The following MSTO1 variants were observed in gnomAD, a reference collection of about 807,000 sequenced individuals.
MSTO1 encodes the protein misato mitochondrial distribution and morphology regulator 1.
MSTO1 carries 24 observed loss-of-function variants against 55.7 expected under a neutral mutation model. The ratio of observed to expected loss-of-function variants is 0.43; its 90% CI spans 0.31 to 0.61. The LOEUF (loss-of-function observed/expected upper bound fraction) is 0.61, where lower values mean the gene tolerates loss of function less well. MSTO1 is among the 20% of genes least tolerant of loss of function. MSTO1 has a pLI of 0.09. For synonymous variants in MSTO1, 162 were observed against 252.8 expected (o/e 0.64, Z 3.41); for missense variants, 363 against 625.7 (o/e 0.58, Z 4.48).
the MSTO1 span, among the ~76,000 whole-genome samples, chr1:155,576,473 C>T: frequency 2.0e-5 from 3 of 151,536 alleles, no homozygotes; most frequent in African/African-American, 4.8e-5. Context: ...ACTACAGGTG[C>T]GCACCACCAC....
chr1:155,612,128 G>C, intron 7 of MSTO1, 28 bp downstream of exon 7: 1 of 1,613,166 alleles, frequency 6.2e-7, no homozygotes. Context: ...TGCACTCCAG[G>C]GTGGAAGCTC....
the MSTO1 span, among the ~76,000 whole-genome samples, chr1:155,575,005 T>TA: frequency 6.6e-6 from 1 of 151,984 alleles, no homozygotes; most frequent in South Asian, 2.1e-4. Context: ...TAGCTGGGAT[T>TA]ACAGGCATGC....
At chr1:155,596,665 T>C in the MSTO1 span, among the ~76,000 whole-genome samples, 1 of 152,060 alleles carries the variant, frequency 6.6e-6, no homozygotes, top group Non-Finnish European at 1.5e-5. Context: ...TATGTGCCTG[T>C]AGTCCAAGCT....
At chr1:155,568,665 C>G in the MSTO1 span, among the ~76,000 whole-genome samples, 4 of 151,910 alleles carry the variant, frequency 2.6e-5, no homozygotes, top group Non-Finnish European at 5.9e-5. Context: ...GTCTCAAACT[C>G]CTGACCTTGT....
At chr1:155,578,790 G>A in the MSTO1 span, among the ~76,000 whole-genome samples, 1 of 149,068 alleles carries the variant, frequency 6.7e-6, no homozygotes, top group Non-Finnish European at 1.5e-5. Flanking sequence ...GATTACAGGC[G>A]TGAGCCACCG....
the MSTO1 span, among the ~76,000 whole-genome samples, chr1:155,593,761 G>C: frequency 6.6e-6 from 1 of 152,108 alleles, no homozygotes; most frequent in Non-Finnish European, 1.5e-5. Context: ...GAGGTCAGGA[G>C]ATCGAGACCA....
chr1:155,569,277 A>G, the MSTO1 span, among the ~76,000 whole-genome samples: 4 of 150,736 alleles, frequency 2.7e-5, no homozygotes, highest in Admixed American at 2.0e-4. Context: ...CTGGGACTAC[A>G]GGCGCCCGCC....
At chr1:155,609,243 A>ATATATATATATATATATATATATATTTTT (rs59756178), upstream of MSTO1, among the ~76,000 whole-genome samples, 2 of 54,586 alleles carry the variant, frequency 3.7e-5, no homozygotes, top group Admixed American at 3.9e-4. Context: ...ATATATATAT[A>ATATATATATATATATATATATATATTTTT]TTTTTTTTTT....
At chr1:155,609,789 G>T (rs114198054), upstream of MSTO1, 405 of 181,950 alleles carry the variant, frequency 2.2e-3, 2 homozygotes, top group African/African-American at 9.2e-3. Context: ...CGTGGTCCAC[G>T]TGACTTCTGA....
the MSTO1 span, among the ~76,000 whole-genome samples, chr1:155,579,301 G>A: frequency 1.3e-5 from 2 of 151,302 alleles, no homozygotes; most frequent in African/African-American, 4.9e-5. Flanking sequence ...CAACAAGAGT[G>A]AAACTCCATC....
chr1:155,586,188 TTCTC>T, the MSTO1 span, among the ~76,000 whole-genome samples: 234 of 150,978 alleles, frequency 1.5e-3, no homozygotes, highest in African/African-American at 5.3e-3. Context: ...GTTTTTTTCT[TTCTC>T]TCTCTCTCTG....
rs374800604 is a variant in MSTO1, at chr1:155,613,808, G to T, written c.1498+42G>T. The T allele has an allele frequency of 4.9e-4, 788 of 1,613,752 alleles. 1 individual carries two copies. Among genetic ancestry groups the T allele is most frequent in the Non-Finnish European group, 4.6e-4 (538 of 1,179,802 alleles). On this transcript the variant is annotated intron_variant, in intron 13 of 13. Transcript: ENST00000245564. ...GAAAACTGAGATTTCAAGTATGGGAGAGTTTTTACTATCTCCATTCCTGGA... is the reference window on the plus strand; with the variant it reads ...GAAAACTGAGATTTCAAGTATGGGATAGTTTTTACTATCTCCATTCCTGGA...
At chr1:155,567,632 C>T in the MSTO1 span, among the ~76,000 whole-genome samples, 3 of 151,992 alleles carry the variant, frequency 2.0e-5, no homozygotes, top group South Asian at 2.1e-4. Flanking sequence ...GACAGCGTTT[C>T]GCCATGTTGG....
At chr1:155,608,816 T>G (rs1335234380), upstream of MSTO1, among the ~76,000 whole-genome samples, 1 of 150,010 alleles carries the variant, frequency 6.7e-6, no homozygotes, top group Non-Finnish European at 1.5e-5. Context: ...TTATTTTTAT[T>G]TTTATTTTTT....
the MSTO1 span, among the ~76,000 whole-genome samples, chr1:155,589,115 T>C: frequency 6.6e-6 from 1 of 151,958 alleles, no homozygotes; most frequent in Non-Finnish European, 1.5e-5. Context: ...CTGGCCAACA[T>C]AGTGAAACCC....
the MSTO1 span, among the ~76,000 whole-genome samples, chr1:155,575,202 T>A: frequency 2.0e-5 from 3 of 151,660 alleles, no homozygotes; most frequent in Admixed American, 2.0e-4. Context: ...AATAAATGAG[T>A]TCTTTGACCC....
At chr1:155,601,907 A>C in the MSTO1 span, among the ~76,000 whole-genome samples, 1 of 152,068 alleles carries the variant, frequency 6.6e-6, no homozygotes, top group African/African-American at 2.4e-5. Context: ...GGCGCCTGCC[A>C]CTATGCCCAG....
the MSTO1 span, among the ~76,000 whole-genome samples, chr1:155,575,214 CA>C: frequency 5.8e-4 from 83 of 142,070 alleles, no homozygotes; most frequent in Middle Eastern, 3.6e-3. Flanking sequence ...CTTTGACCCT[CA>C]AAAAAAAAAA....
chr1:155,610,149 G>C, upstream of MSTO1: 4 of 1,126,044 alleles, frequency 3.6e-6, no homozygotes, highest in East Asian at 4.7e-5. Context: ...GGGCCAATAA[G>C]TAGCCGAGAA....
Sources: gnomAD v4.1 joint callset for allele counts (sites outside exome capture counted in the v4.1 genomes callset) on GRCh38, gnomAD v4.1.1 for gene constraint, MANE v1.5 for transcripts, NCBI Gene and HGNC (gene_info 2026-07-23, HGNC 2026-07-21) for gene names.